Variants in SMYD3 observed in about 807,000 individuals in gnomAD.
The protein encoded by SMYD3 is histone-lysine N-methyltransferase SMYD3.
In SMYD3, 36 loss-of-function variants were observed where a neutral mutation model predicts 57.7. The observed-to-expected ratio is 0.62, with a 90% CI of 0.48 to 0.82. SMYD3 has a LOEUF of 0.82. SMYD3 is among the 40% of genes least tolerant of loss of function. The pLI is 0.00. For missense variants in SMYD3, 515 were observed against 538.8 expected, an observed-to-expected ratio of 0.96 and a Z score of 0.44; for synonymous variants, 211 against 195.0, an observed-to-expected ratio of 1.08 and a Z score of -0.68.
intron 10 of SMYD3, among the ~76,000 whole-genome samples, chr1:245,830,592 C>CTATA (rs1173129787): frequency 6.6e-6 from 1 of 152,178 alleles, no homozygotes; most frequent in Non-Finnish European, 1.5e-5. Context: ...TTCTGTAACT[C>CTATA]TATAGAGAAT....
intron 5 of SMYD3, among the ~76,000 whole-genome samples, chr1:245,997,105 T>C (rs1245992227): frequency 2.8e-5 from 4 of 144,218 alleles, no homozygotes; most frequent in Admixed American, 1.4e-4. Flanking sequence ...GTTCAGGGCA[T>C]GGATTTTAAT....
chr1:246,223,804 C>T (rs1256970044), intron 5 of SMYD3, among the ~76,000 whole-genome samples: 1 of 152,086 alleles, frequency 6.6e-6, no homozygotes, highest in African/African-American at 2.4e-5. Context: ...ATTGTGTACA[C>T]TAAATGGTCC....
At chr1:245,970,942 AC>A (rs1360650931) in intron 5 of SMYD3, among the ~76,000 whole-genome samples, 3 of 152,236 alleles carry the variant, frequency 2.0e-5, no homozygotes, top group African/African-American at 7.2e-5. Flanking sequence ...TGATCCCATT[AC>A]TGGGTATATA....
At chr1:246,391,221 GAA>G (rs58176373) in intron 1 of SMYD3, among the ~76,000 whole-genome samples, 7 of 111,012 alleles carry the variant, frequency 6.3e-5, no homozygotes, top group Non-Finnish European at 5.7e-5. Flanking sequence ...CTCTATATCT[GAA>G]AAAAAAAAAA....
intron 10 of SMYD3, among the ~76,000 whole-genome samples, chr1:245,847,297 C>A (rs1057024097): frequency 6.6e-6 from 1 of 152,174 alleles, no homozygotes; most frequent in African/African-American, 2.4e-5. Flanking sequence ...TCTCTACAAG[C>A]GATCAAATAT....
intron 7 of SMYD3, among the ~76,000 whole-genome samples, chr1:245,926,864 A>G (rs1467085088): frequency 6.6e-6 from 1 of 152,158 alleles, no homozygotes; most frequent in Non-Finnish European, 1.5e-5. Flanking sequence ...CGGCCCCAGA[A>G]AAAAAAGAGA....
chr1:246,013,663 A>G (rs1229684255), intron 5 of SMYD3, among the ~76,000 whole-genome samples: 1 of 152,244 alleles, frequency 6.6e-6, no homozygotes, highest in African/African-American at 2.4e-5. Flanking sequence ...GTAAATCACC[A>G]GCCTAAAGGG....
intron 7 of SMYD3, among the ~76,000 whole-genome samples, chr1:245,927,718 T>C (rs755330872): frequency 2.0e-5 from 3 of 152,158 alleles, no homozygotes; most frequent in South Asian, 2.1e-4. Context: ...TCCAGAAATA[T>C]GGTGACCTCT....
intron 10 of SMYD3, among the ~76,000 whole-genome samples, chr1:245,849,845 G>A (rs531105381): frequency 6.6e-6 from 1 of 152,146 alleles, no homozygotes; most frequent in South Asian, 2.1e-4. Context: ...TAGAGATGGG[G>A]TTTCACCATG....
chr1:245,997,935 G>A (rs557288058), intron 5 of SMYD3, among the ~76,000 whole-genome samples: 9 of 152,312 alleles, frequency 5.9e-5, no homozygotes, highest in African/African-American at 2.2e-4. Context: ...TCACGGATAG[G>A]CACTGTTCTG....
intron 1 of SMYD3, among the ~76,000 whole-genome samples, chr1:246,485,255 C>CA (rs1259767813): frequency 6.6e-6 from 1 of 151,938 alleles, no homozygotes; most frequent in Non-Finnish European, 1.5e-5. Context: ...TCACTTCAAC[C>CA]AAAATACCTA....
chr1:246,265,009 G>A (rs1358544593), intron 5 of SMYD3, among the ~76,000 whole-genome samples: 2 of 152,198 alleles, frequency 1.3e-5, no homozygotes, highest in Non-Finnish European at 2.9e-5. Context: ...TAAATCAAAG[G>A]TGCATATGAA....
chr1:246,190,633 G>A (rs1488494140), intron 5 of SMYD3, among the ~76,000 whole-genome samples: 6 of 147,410 alleles, frequency 4.1e-5, no homozygotes, highest in Admixed American at 6.8e-5. Flanking sequence ...TAGGGGAGTC[G>A]CTAAAGCTCA....
At chr1:246,126,044 C>T (rs142803506) in intron 5 of SMYD3, among the ~76,000 whole-genome samples, 1 of 152,178 alleles carries the variant, frequency 6.6e-6, no homozygotes, top group Non-Finnish European at 1.5e-5. Context: ...TATCAGCCAG[C>T]CATCTGGAAA....
At chr1:245,845,110 C>T (rs1445659295) in intron 10 of SMYD3, among the ~76,000 whole-genome samples, 1 of 152,080 alleles carries the variant, frequency 6.6e-6, no homozygotes, top group East Asian at 1.9e-4. Context: ...GCTTTGAATC[C>T]CTTCCATATT....
chr1:245,939,425 A>G (rs1013536632), intron 5 of SMYD3, among the ~76,000 whole-genome samples: 2 of 152,140 alleles, frequency 1.3e-5, no homozygotes, highest in African/African-American at 4.8e-5. Context: ...GGAGATCGAG[A>G]CCAGCCTGGC....
intron 10 of SMYD3, among the ~76,000 whole-genome samples, chr1:245,812,914 G>A (rs958757527): frequency 2.0e-4 from 31 of 151,682 alleles, no homozygotes; most frequent in African/African-American, 7.0e-4. Flanking sequence ...TGGGCAAGCC[G>A]GAGTTTGATT....
At chr1:245,780,853 A>T (rs2148136935) in intron 10 of SMYD3, among the ~76,000 whole-genome samples, 1 of 152,374 alleles carries the variant, frequency 6.6e-6, no homozygotes, top group East Asian at 1.9e-4. Flanking sequence ...AAATAACCCA[A>T]ATAATCAACT....
chr1:245,814,890 GCA>G (rs933512812), intron 10 of SMYD3, among the ~76,000 whole-genome samples: 2 of 150,060 alleles, frequency 1.3e-5, no homozygotes, highest in Non-Finnish European at 3.0e-5. Context: ...ACACACGCAT[GCA>G]CACACACACA....
Sources: allele counts gnomAD v4.1 joint callset (sites outside exome capture counted in the v4.1 genomes callset), GRCh38; gene constraint gnomAD v4.1.1; transcripts MANE v1.5; gene names NCBI Gene and HGNC (gene_info 2026-07-23, HGNC 2026-07-21).